C2CD2: variants seen among roughly 807,000 people sequenced by gnomAD.
C2CD2 encodes the protein C2 calcium dependent domain containing 2, also known as C2 domain-containing protein 2.
A neutral mutation model predicts 74.3 loss-of-function variants in C2CD2; 43 were observed. The observed-to-expected ratio is 0.58, with a 90% CI of 0.45 to 0.75. C2CD2 has a LOEUF of 0.75. Among genes scored for constraint, C2CD2 ranks in the 30% least tolerant of loss-of-function variants. The pLI, the probability that C2CD2 is intolerant of heterozygous loss-of-function variation, is 0.00. For synonymous variants in C2CD2, 422 were observed against 390.7 expected, an observed-to-expected ratio of 1.08 and a Z score of -0.94; for missense variants, 801 against 916.3, an observed-to-expected ratio of 0.87 and a Z score of 1.63.
Position 41,907,677 on chromosome 21 carries a change from C to A in C2CD2, c.1126G>T (p.Gly376Cys), listed in dbSNP as rs778367156. The A allele has an allele frequency of 1.2e-6, 2 of 1,611,868 alleles. No individual in the cohort carries two copies. The highest frequency in any genetic ancestry group is 1.3e-5 in the African/African-American group (1 of 74,868). The change falls in exon 9 of 14, where the codon GGC becomes TGC. Residue 376 changes from glycine to cysteine, a missense_variant. By Grantham distance (159) the Gly-to-Cys change is radical. Transcript: ENST00000380486. ...CGCCCTACCTCTGCCGTGACCGAGC[C>A]CAGCACCGAGCTGCCGCAGGCAGAC... is the stretch of plus-strand genomic sequence containing the variant. ...SGSACGSSVL[G>C]SVTAEFSYME...
rs375247368 is a variant in C2CD2, at chr21:41,924,524, AT to A, written c.379-2440del. Among the ~76,000 whole-genome samples the A allele has an allele frequency of 6.6e-6, 1 of 152,344 alleles. No individual in the cohort carries two copies. Among genetic ancestry groups the A allele is most frequent in the African/African-American group, 2.4e-5 (1 of 41,578 alleles). On this transcript the variant is annotated intron_variant, in intron 2 of 13. Transcript: ENST00000380486. The surrounding 1 kb of genome is among the most constrained non-coding windows in gnomAD (Gnocchi z 4.4). ...GTTCACAAAGGGCCAGAACAAAAAA[AT>A]GTTTGTATAAGAAATGTTGTCTATT...
chr21:41,926,416 G>A lies in C2CD2; in HGVS notation c.379-4331C>T, dbSNP rs2065213373. 2 of 983,896 alleles carry A rather than the reference G, an allele frequency of 2.0e-6. No individual in the cohort carries two copies. The highest frequency in any genetic ancestry group is 5.2e-4 in the Middle Eastern group (1 of 1,912). 60.9% of individuals were successfully genotyped at this position (983,896 alleles called of 1,614,324 possible). On this transcript the variant is annotated intron_variant, in intron 2 of 13. Transcript: ENST00000380486. The surrounding 1 kb of genome is among the most constrained non-coding windows in gnomAD (Gnocchi z 8.0). ...GGGGGGACTCACGGTTGGCAGGTGA[G>A]GGTTTGGGTCGGGGAGCCCTGGGCA... is the stretch of plus-strand genomic sequence containing the variant.
intron 3 of C2CD2, among the ~76,000 whole-genome samples, chr21:41,921,216 G>T (rs2065150436): frequency 1.3e-5 from 2 of 152,256 alleles, no homozygotes; most frequent in African/African-American, 4.8e-5. Flanking sequence ...TAGGAGTCAA[G>T]TCCAAGGACA....
intron 2 of C2CD2, among the ~76,000 whole-genome samples, chr21:41,936,593 T>C (rs2065309047): frequency 6.6e-6 from 1 of 152,170 alleles, no homozygotes; most frequent in African/African-American, 2.4e-5. Flanking sequence ...CTACTGGGTA[T>C]ACTGTTAACC....
intron 1 of C2CD2, among the ~76,000 whole-genome samples, chr21:41,946,043 T>C (rs1274831294): frequency 2.0e-5 from 3 of 152,116 alleles, no homozygotes; most frequent in East Asian, 1.9e-4. Context: ...AAATATCTCA[T>C]TGGAGGAGAA....
At chr21:41,919,980 T>C (rs2065137991) in intron 3 of C2CD2, among the ~76,000 whole-genome samples, 2 of 152,090 alleles carry the variant, frequency 1.3e-5, no homozygotes, top group South Asian at 4.1e-4. Flanking sequence ...GCATGTGACG[T>C]GAGGACTGCA....
Position 41,929,447 on chromosome 21 carries a change from C to T in C2CD2, c.379-7362G>A, listed in dbSNP as rs1250641796. On this transcript the variant is annotated intron_variant, in intron 2 of 13. Transcript: ENST00000380486. The surrounding 1 kb of genome is among the most constrained non-coding windows in gnomAD (Gnocchi z 4.6). ...CTGCCCTGCTTCCCACAGCCCTGCACGGGAGGGGCCCCTACACAACAGACA... is the reference window on the plus strand; with the variant it reads ...CTGCCCTGCTTCCCACAGCCCTGCATGGGAGGGGCCCCTACACAACAGACA... Among the ~76,000 whole-genome samples, 4 of 152,200 alleles carry T rather than the reference C, an allele frequency of 2.6e-5. No homozygotes were observed. The highest frequency in any genetic ancestry group is 5.9e-5 in the Non-Finnish European group (4 of 68,046).
chr21:41,928,544 C>CAAAAAAAAAAAAAA (rs59346777), intron 2 of C2CD2, among the ~76,000 whole-genome samples: 59 of 72,262 alleles, frequency 8.2e-4, no homozygotes, highest in East Asian at 1.0e-3. Flanking sequence ...TAAAGCAAAG[C>CAAAAAAAAAAAAAA]AAAAAAAAAA....
rs141179520 is a variant in C2CD2 at position 41,892,919 on chromosome 21, C to T, written c.1871-3575G>A. Among the ~76,000 whole-genome samples the T allele has an allele frequency of 3.6e-3, 552 of 152,374 alleles. 6 individuals carry two copies. Among genetic ancestry groups the T allele is most frequent in the African/African-American group, 0.013 (533 of 41,590 alleles). Reference sequence around the variant, plus strand: ...AAGCTGACGCAGCCCACCCGCAGGGCCCGGTGCCACGCCAGAGACGCGCGG... The same window carrying T: ...AAGCTGACGCAGCCCACCCGCAGGGTCCGGTGCCACGCCAGAGACGCGCGG... On this transcript the variant is annotated intron_variant, in intron 13 of 13. Coordinates refer to ENST00000380486, the MANE Select transcript of C2CD2 (RefSeq NM_015500.2). This position sits in a 1 kb window ranked among gnomAD's most constrained non-coding sequence, Gnocchi z 4.6.
At chr21:41,919,727 C>A (rs898504145) in intron 3 of C2CD2, among the ~76,000 whole-genome samples, 9 of 152,160 alleles carry the variant, frequency 5.9e-5, no homozygotes, top group Admixed American at 5.2e-4. Flanking sequence ...TAACTGGACT[C>A]CATCTCTAAG....
chr21:41,914,324 T>TA (rs1569068258), intron 6 of C2CD2, among the ~76,000 whole-genome samples: 2 of 143,856 alleles, frequency 1.4e-5, no homozygotes, highest in Admixed American at 6.9e-5. Context: ...AAAGAAAAGA[T>TA]AAAAAAGGCA....
chr21:41,950,276 G>A (rs1387508525), intron 1 of C2CD2, among the ~76,000 whole-genome samples: 6 of 152,218 alleles, frequency 3.9e-5, no homozygotes, highest in East Asian at 1.9e-4. Flanking sequence ...GATGTGGGGG[G>A]CAGGCACGTG....
chr21:41,919,855 G>C (rs1351579121), intron 3 of C2CD2, among the ~76,000 whole-genome samples: 2 of 152,182 alleles, frequency 1.3e-5, no homozygotes, highest in East Asian at 1.9e-4. Flanking sequence ...AGACTTGGCA[G>C]GTGCGACAGG....
intron 8 of C2CD2, 112 bp downstream of exon 8, chr21:41,909,347 G>A: frequency 1.4e-6 from 1 of 689,902 alleles, no homozygotes; most frequent in Non-Finnish European, 2.6e-6. Flanking sequence ...GTCATTTAGA[G>A]GAGGGGTCAG....
intron 6 of C2CD2, among the ~76,000 whole-genome samples, chr21:41,913,694 G>A (rs2065054061): frequency 6.6e-6 from 1 of 152,222 alleles, no homozygotes; most frequent in African/African-American, 2.4e-5. Flanking sequence ...TGCAAATAAA[G>A]ATAAGTCACC....
Position 41,892,832 on chromosome 21 carries a change from GCTGCTCATGCTC to G in C2CD2, c.1871-3500_1871-3489del, listed in dbSNP as rs2064771376. Among the ~76,000 whole-genome samples, 1 of 152,258 alleles carries G rather than the reference GCTGCTCATGCTC, an allele frequency of 6.6e-6. No individual in the cohort carries two copies. The highest frequency in any genetic ancestry group is 2.4e-5 in the African/African-American group (1 of 41,474). ...CACCATACCTGCTCTCCTGCATGTCGCTGCTCATGCTCCTTCGCACTTCACTCTGGGGGCCGG... is the reference window on the plus strand; with the variant it reads ...CACCATACCTGCTCTCCTGCATGTCGCTTCGCACTTCACTCTGGGGGCCGG... On this transcript the variant is annotated intron_variant, in intron 13 of 13. Transcript: ENST00000380486. The surrounding 1 kb of genome is among the most constrained non-coding windows in gnomAD (Gnocchi z 4.6).
chr21:41,911,567 C>T (rs2065026299), intron 7 of C2CD2, among the ~76,000 whole-genome samples: 1 of 151,832 alleles, frequency 6.6e-6, no homozygotes, highest in East Asian at 1.9e-4. Context: ...AATTTTTGTA[C>T]TTTTAGTAGA....
intron 1 of C2CD2, among the ~76,000 whole-genome samples, chr21:41,944,094 C>G (rs1465332226): frequency 1.3e-5 from 2 of 152,200 alleles, no homozygotes; most frequent in Non-Finnish European, 2.9e-5. Context: ...AAACAATGTA[C>G]CTTCTGTAGG....
intron 2 of C2CD2, among the ~76,000 whole-genome samples, chr21:41,932,204 G>A (rs536151973): frequency 6.7e-6 from 1 of 149,960 alleles, no homozygotes; most frequent in African/African-American, 2.4e-5. Flanking sequence ...GAGCTTCCAA[G>A]GTGGTGAATA....
Sources: allele counts gnomAD v4.1 joint callset (sites outside exome capture counted in the v4.1 genomes callset), GRCh38; gene constraint gnomAD v4.1.1; non-coding constraint Gnocchi (gnomAD v3.1); transcripts MANE v1.5; gene names NCBI Gene and HGNC (gene_info 2026-07-23, HGNC 2026-07-21).